ABCC11: variants seen among roughly 807,000 people sequenced by gnomAD.
ABCC11 encodes ATP binding cassette subfamily C member 11.
Under a neutral mutation model 149.3 loss-of-function variants are expected in ABCC11, and 135 were observed. The observed-to-expected ratio is 0.90, with a 90% CI of 0.79 to 1.04. The LOEUF (loss-of-function observed/expected upper bound fraction) is 1.04, where lower values mean the gene tolerates loss of function less well. ABCC11 is among the 50% of genes least tolerant of loss of function. The pLI is 0.00. For synonymous variants in ABCC11, 665 were observed against 671.4 expected (o/e 0.99, Z 0.15); for missense variants, 1,680 against 1,722.1 (o/e 0.98, Z 0.43).
intron 10 of ABCC11, 86 bp from the exon 11 acceptor site, chr16:48,211,285 G>A: frequency 6.7e-7 from 1 of 1,486,716 alleles, no homozygotes; most frequent in East Asian, 2.3e-5. Context: ...AAGTCTGCCA[G>A]TTGGTATGGT....
intron 14 of ABCC11, 127 bp from the exon 15 acceptor site, chr16:48,200,606 T>C (rs1182611609): frequency 4.2e-6 from 4 of 945,682 alleles, no homozygotes; most frequent in African/African-American, 3.3e-5. Context: ...CACTCCAGGA[T>C]ACCTGATAAT....
Position 48,230,199 on chromosome 16 carries a change from C to T in ABCC11, c.236+238G>A, listed in dbSNP as rs561727393. Reference sequence around the variant, plus strand: ...ACGTCTGTTTGCTCACTGTTCTTCCCCTGTGATGTAGCACAGTGCCTGGCA... The same window carrying T: ...ACGTCTGTTTGCTCACTGTTCTTCCTCTGTGATGTAGCACAGTGCCTGGCA... On this transcript the variant is annotated intron_variant, in intron 3 of 29. Transcript: ENST00000356608. Among the ~76,000 whole-genome samples the T allele has an allele frequency of 2.0e-5, 3 of 152,340 alleles. 1 individual carries two copies. In the South Asian group the frequency reaches 6.2e-4, roughly 32 times the overall value.
At chr16:48,245,464 C>T (rs1195819460) in intron 1 of ABCC11, among the ~76,000 whole-genome samples, 1 of 152,202 alleles carries the variant, frequency 6.6e-6, no homozygotes, top group East Asian at 1.9e-4. Flanking sequence ...TTCCACTTTG[C>T]ACCATGCATG....
chr16:48,170,298 C>T (rs760859555), intron 27 of ABCC11, 80 bp from the exon 28 acceptor site: 4 of 1,101,900 alleles, frequency 3.6e-6, no homozygotes, highest in East Asian at 2.4e-5. Context: ...CAATCTTCCG[C>T]TGTATTGGCA....
chr16:48,184,365 CCT>C (rs1966624729), intron 23 of ABCC11, 73 bp downstream of exon 23: 1 of 1,532,276 alleles, frequency 6.5e-7, no homozygotes, highest in Non-Finnish European at 8.8e-7. Context: ...CTGAGGACCC[CCT>C]GAGTCTGCCC....
intron 14 of ABCC11, among the ~76,000 whole-genome samples, chr16:48,201,218 G>T (rs1257020179): frequency 6.6e-6 from 1 of 152,140 alleles, no homozygotes; most frequent in African/African-American, 2.4e-5. Flanking sequence ...TAAAAATTCA[G>T]ATAATAAAAT....
chr16:48,190,718 T>A (rs923319596), intron 20 of ABCC11, among the ~76,000 whole-genome samples: 1 of 152,154 alleles, frequency 6.6e-6, no homozygotes, highest in Non-Finnish European at 1.5e-5. Context: ...TATGTGAGAT[T>A]TCAGTTTCCT....
At chr16:48,192,822 G>A in intron 19 of ABCC11, 105 bp from the exon 20 acceptor site, 2 of 1,219,450 alleles carry the variant, frequency 1.6e-6, no homozygotes, top group South Asian at 2.7e-5. Flanking sequence ...CTGGTAGAAG[G>A]TGAAGCTGTT....
chr16:48,219,327 G>A (rs965593552), intron 6 of ABCC11, among the ~76,000 whole-genome samples: 36 of 152,138 alleles, frequency 2.4e-4, no homozygotes, highest in Middle Eastern at 6.8e-3. Context: ...ACGCCACCAC[G>A]CCCAGCTAAC....
At chr16:48,187,589 G>A (rs1008267405) in intron 20 of ABCC11, among the ~76,000 whole-genome samples, 162 bp from the exon 21 acceptor site, 3 of 152,126 alleles carry the variant, frequency 2.0e-5, no homozygotes, top group Admixed American at 6.6e-5. Context: ...TGGGCTCCAC[G>A]GCTACCTGAC....
intron 1 of ABCC11, among the ~76,000 whole-genome samples, chr16:48,245,888 C>T (rs567466832): frequency 1.3e-5 from 2 of 152,176 alleles, no homozygotes; most frequent in East Asian, 3.9e-4. Flanking sequence ...CTGCCAAGCA[C>T]CCGCCTCCTA....
intron 5 of ABCC11, among the ~76,000 whole-genome samples, chr16:48,223,210 G>A (rs1275459882): frequency 1.3e-5 from 2 of 152,242 alleles, no homozygotes; most frequent in African/African-American, 4.8e-5. Context: ...TTAGACTTAA[G>A]GGGCAAGAGC....
chr16:48,227,995 A>T (rs757150895), intron 3 of ABCC11, 31 bp from the exon 4 acceptor site: 1 of 1,571,356 alleles, frequency 6.4e-7, no homozygotes, highest in South Asian at 1.1e-5. Context: ...ATAAGAATGA[A>T]TTCAGGATCA....
Position 48,227,868 on chromosome 16 carries a change from G to C in ABCC11, c.333C>G (p.Arg111=). 1 of 1,614,124 alleles carries C rather than the reference G, an allele frequency of 6.2e-7. No individual in the cohort carries two copies. Among genetic ancestry groups the C allele is most frequent in the Non-Finnish European group, 8.5e-7 (1 of 1,180,022 alleles). The change falls in exon 4 of 30, where the codon CGC becomes CGG. Residue 111 remains arginine (R), a synonymous_variant. Coordinates refer to ENST00000356608, the MANE Select transcript of ABCC11 (RefSeq NM_001370497.1). ...GTGGAGGGATGGTGTTCTCATCTAA[G>C]CGACTCCGTAAGCTTTGGATCATGA... The part of the protein sequence containing the change: ...TPLMIQSLRS[R]LDENTIPPLS...
Position 48,222,592 on chromosome 16 carries a change from G to A in ABCC11, c.777+6C>T, listed in dbSNP as rs771360663. ...TGGCCCAGAATAGGCAGTCCCAGCT[G>A]CTTACCTCTCCTGAGGTGATGTGTA... On this transcript the variant is annotated splice_donor_region_variant and intron_variant, in intron 6 of 29. Transcript: ENST00000356608. The A allele has an allele frequency of 6.2e-7, 1 of 1,611,566 alleles. No homozygotes were observed. Among genetic ancestry groups the A allele is most frequent in the South Asian group, 1.1e-5 (1 of 91,022 alleles).
Position 48,167,503 on chromosome 16 carries a change from T to C in ABCC11, c.4049A>G (p.Asn1350Ser), listed in dbSNP as rs1225939271. The C allele has an allele frequency of 6.2e-7, 1 of 1,614,070 alleles. No homozygotes were observed. Among genetic ancestry groups the C allele is most frequent in the South Asian group, 1.1e-5 (1 of 91,076 alleles). ...LNCDHILVMG[N>S]GKVVEFDRPE... is the part of the protein sequence containing the mutation. ...CAAGGACGCAGCCTTCACCTTCCCATTGCCCATAACCAGGATGTGGTCACA... is the reference window on the plus strand; with the variant it reads ...CAAGGACGCAGCCTTCACCTTCCCACTGCCCATAACCAGGATGTGGTCACA... The change falls in exon 29 of 30, where the codon AAT (asparagine) becomes AGT (serine). Residue 1350 changes from asparagine to serine, a missense_variant. Asn to Ser is a conservative substitution (Grantham distance 46). Coordinates refer to ENST00000356608, the MANE Select transcript of ABCC11 (RefSeq NM_001370497.1).
chr16:48,213,578 G>A (rs1218276765), intron 9 of ABCC11, 28 bp from the exon 10 acceptor site: 3 of 1,580,028 alleles, frequency 1.9e-6, no homozygotes, highest in Non-Finnish European at 2.6e-6. Flanking sequence ...GAGGTGGTGA[G>A]GGTCGTGGCC....
chr16:48,205,375 A>G (rs1305888925), intron 13 of ABCC11, 38 bp downstream of exon 13: 9 of 1,612,432 alleles, frequency 5.6e-6, no homozygotes, highest in Admixed American at 3.3e-5. Context: ...GACCAGCCAC[A>G]TGCCCTGTAC....
intron 15 of ABCC11, 90 bp downstream of exon 15, chr16:48,200,186 G>A (rs1247955504): frequency 1.5e-6 from 2 of 1,354,226 alleles, no homozygotes; most frequent in Non-Finnish European, 1.0e-6. Flanking sequence ...GCTGCTGGGA[G>A]GCTGTTATTG....
Sources: gnomAD v4.1 joint callset for allele counts (sites outside exome capture counted in the v4.1 genomes callset) on GRCh38, gnomAD v4.1.1 for gene constraint, MANE v1.5 for transcripts, NCBI Gene and HGNC (gene_info 2026-07-23, HGNC 2026-07-21) for gene names.